The following KCNJ6 variants were observed in gnomAD, a reference collection of about 807,000 sequenced individuals.
KCNJ6 encodes the protein G protein-activated inward rectifier potassium channel 2.
KCNJ6 carries 9 observed loss-of-function variants against 34.2 expected under a neutral mutation model. The ratio of observed to expected loss-of-function variants is 0.26; its 90% CI spans 0.16 to 0.46. The LOEUF is 0.46. Ranked by LOEUF, KCNJ6 falls within the 20% of genes least tolerant of loss-of-function variation. The pLI is 1.00. For missense variants in KCNJ6, 236 were observed against 531.3 expected, an observed-to-expected ratio of 0.44 and a Z score of 5.46; for synonymous variants, 196 against 207.1, an observed-to-expected ratio of 0.95 and a Z score of 0.46.
chr21:37,830,152 T>C (rs927786977), intron 2 of KCNJ6, among the ~76,000 whole-genome samples: 1 of 152,162 alleles, frequency 6.6e-6, no homozygotes, highest in African/African-American at 2.4e-5. Flanking sequence ...AGATCATCAA[T>C]TAAATACAGA....
At chr21:37,636,310 G>A (rs746842806) in intron 3 of KCNJ6, among the ~76,000 whole-genome samples, 30 of 152,208 alleles carry the variant, frequency 2.0e-4, no homozygotes, top group African/African-American at 3.1e-4. Context: ...TATCCCCAGC[G>A]CAGTCAAACT....
chr21:37,840,538 C>T (rs145724504), intron 2 of KCNJ6, 120 bp downstream of exon 2: 64 of 665,692 alleles, frequency 9.6e-5, no homozygotes, highest in Non-Finnish European at 1.5e-4. Context: ...AAACAGATCT[C>T]GGTCCCGTAA....
At chr21:37,750,113 C>T (rs888434010) in intron 2 of KCNJ6, among the ~76,000 whole-genome samples, 5 of 152,040 alleles carry the variant, frequency 3.3e-5, no homozygotes, top group Non-Finnish European at 7.4e-5. Context: ...ATGCAGCCAA[C>T]AAACATATGA....
intron 2 of KCNJ6, among the ~76,000 whole-genome samples, chr21:37,774,924 C>A (rs986395297): frequency 7.9e-5 from 12 of 152,212 alleles, no homozygotes; most frequent in Admixed American, 1.3e-4. Context: ...GGAATTGCCA[C>A]GCTGACTTCC....
At chr21:37,807,011 A>G (rs1429086504) in intron 2 of KCNJ6, among the ~76,000 whole-genome samples, 2 of 152,210 alleles carry the variant, frequency 1.3e-5, no homozygotes, top group Non-Finnish European at 1.5e-5. Flanking sequence ...TTTCTTTCTC[A>G]GCATCATTTA....
chr21:37,908,787 G>T (rs1171567346), intron 1 of KCNJ6, among the ~76,000 whole-genome samples: 1 of 152,128 alleles, frequency 6.6e-6, no homozygotes, highest in African/African-American at 2.4e-5. Context: ...GTCTCTACCA[G>T]GAATCTTTTC....
Position 37,774,977 on chromosome 21 carries a change from G to T in KCNJ6, c.26-59846C>A, listed in dbSNP as rs567843008. Reference sequence around the variant, plus strand: ...TTACAGTCCCACCAACAGTGTAAAAGTGTTCCTATTTCTCCATATCCTCTC... The same window carrying T: ...TTACAGTCCCACCAACAGTGTAAAATTGTTCCTATTTCTCCATATCCTCTC... On this transcript the variant is annotated intron_variant, in intron 2 of 3. Transcript: ENST00000609713. 1.7e-3 allele frequency among the ~76,000 whole-genome samples: 255 copies of T among 152,264 alleles called. 2 individuals are homozygous for T. Among genetic ancestry groups the T allele is most frequent in the African/African-American group, 5.8e-3 (240 of 41,534 alleles).
At chr21:37,864,477 T>G (rs765434609) in intron 1 of KCNJ6, among the ~76,000 whole-genome samples, 1 of 152,174 alleles carries the variant, frequency 6.6e-6, no homozygotes, top group South Asian at 2.1e-4. Context: ...AATATCTGTA[T>G]GCCATTGTTT....
chr21:37,821,469 T>C (rs142360339), intron 2 of KCNJ6, among the ~76,000 whole-genome samples: 74 of 152,322 alleles, frequency 4.9e-4, no homozygotes, highest in African/African-American at 1.8e-3. Context: ...CATGGTGGTT[T>C]GCTGCACCTA....
intron 2 of KCNJ6, among the ~76,000 whole-genome samples, chr21:37,802,425 T>C (rs2055273637): frequency 6.6e-6 from 1 of 150,806 alleles, no homozygotes; most frequent in African/African-American, 2.4e-5. Flanking sequence ...GGGCCCAATA[T>C]AATCACAAGG....
At chr21:37,861,758 G>A (rs1257557141) in intron 1 of KCNJ6, among the ~76,000 whole-genome samples, 9 of 152,298 alleles carry the variant, frequency 5.9e-5, no homozygotes, top group African/African-American at 1.7e-4. Context: ...CTTGAGGAAT[G>A]TCCTTGAGAA....
chr21:37,794,940 G>C (rs2835963), intron 2 of KCNJ6, among the ~76,000 whole-genome samples: 75,003 of 151,894 alleles, frequency 0.49, 18,976 homozygotes, highest in Middle Eastern at 0.55. Flanking sequence ...CAGTGGGCAT[G>C]TACGAGAAGA....
At chr21:37,749,081 C>A (rs544394152) in intron 2 of KCNJ6, among the ~76,000 whole-genome samples, 15 of 152,260 alleles carry the variant, frequency 9.9e-5, no homozygotes, top group African/African-American at 3.4e-4. Flanking sequence ...CCTATGCATG[C>A]ACACTTTTTG....
At chr21:37,896,217 T>C (rs1220484894) in intron 1 of KCNJ6, among the ~76,000 whole-genome samples, 6 of 152,220 alleles carry the variant, frequency 3.9e-5, no homozygotes, top group Non-Finnish European at 8.8e-5. Flanking sequence ...GGATAGTGCA[T>C]GGATGGTGTT....
At chr21:37,900,340 C>T (rs2055810516) in intron 1 of KCNJ6, among the ~76,000 whole-genome samples, 1 of 152,142 alleles carries the variant, frequency 6.6e-6, no homozygotes, top group Admixed American at 6.5e-5. Context: ...GTTTTAGAAT[C>T]ACTCACAATG....
At chr21:37,750,478 C>A (rs971362172) in intron 2 of KCNJ6, among the ~76,000 whole-genome samples, 1 of 152,194 alleles carries the variant, frequency 6.6e-6, no homozygotes, top group Non-Finnish European at 1.5e-5. Flanking sequence ...TGGAACCAAC[C>A]TAAACGCCCA....
chr21:37,792,774 CA>C (rs1665352019), intron 2 of KCNJ6, among the ~76,000 whole-genome samples: 1 of 152,146 alleles, frequency 6.6e-6, no homozygotes, highest in Non-Finnish European at 1.5e-5. Context: ...GGGCGTTTTC[CA>C]GTAAAGATTA....
intron 2 of KCNJ6, among the ~76,000 whole-genome samples, chr21:37,771,612 C>A (rs1176488440): frequency 6.6e-6 from 1 of 152,264 alleles, no homozygotes; most frequent in South Asian, 2.1e-4. Flanking sequence ...TCCACCAGAG[C>A]CCCTGTAGGT....
intron 2 of KCNJ6, among the ~76,000 whole-genome samples, chr21:37,790,502 C>A (rs1420284994): frequency 6.6e-6 from 1 of 152,120 alleles, no homozygotes; most frequent in African/African-American, 2.4e-5. Flanking sequence ...ATTATTATCC[C>A]CATTTCATAG....
Sources: gnomAD v4.1 joint callset for allele counts (sites outside exome capture counted in the v4.1 genomes callset) on GRCh38, gnomAD v4.1.1 for gene constraint, MANE v1.5 for transcripts, NCBI Gene and HGNC (gene_info 2026-07-23, HGNC 2026-07-21) for gene names.